SLA2: variants seen among roughly 807,000 people sequenced by gnomAD.
SLA2 encodes src-like-adapter 2.
In SLA2, 22 loss-of-function variants were observed where a neutral mutation model predicts 27.3. The observed-to-expected ratio is 0.81, with a 90% CI of 0.58 to 1.15. The LOEUF is 1.15. Ranked by LOEUF, SLA2 falls within the 50% of genes most tolerant of loss-of-function variation. The probability of loss-of-function intolerance (pLI) is 0.00; values close to 1 mark genes in which losing one functional copy is unlikely to be tolerated. For synonymous variants in SLA2, 131 were observed against 137.8 expected, an observed-to-expected ratio of 0.95 and a Z score of 0.34; for missense variants, 304 against 322.2, an observed-to-expected ratio of 0.94 and a Z score of 0.43.
chr20:36,638,962 T>A (rs1320805792), intron 2 of SLA2, among the ~76,000 whole-genome samples: 1 of 152,188 alleles, frequency 6.6e-6, no homozygotes, highest in Non-Finnish European at 1.5e-5. Flanking sequence ...TTCTCCTGCC[T>A]CAGCCTCCCA....
intron 1 of SLA2, among the ~76,000 whole-genome samples, chr20:36,644,871 T>G (rs1038118951): frequency 4.3e-4 from 9 of 20,934 alleles, no homozygotes; most frequent in South Asian, 2.9e-3. Flanking sequence ...ATATTGTGTT[T>G]TTTTTTTTTT....
At chr20:36,615,962 A>G (rs2039205338) in intron 5 of SLA2, among the ~76,000 whole-genome samples, 2 of 152,248 alleles carry the variant, frequency 1.3e-5, no homozygotes, top group South Asian at 4.1e-4. Context: ...GTAGTGCTAT[A>G]CAGCAGTAAA....
At chr20:36,624,990 A>G (rs1332010666) in intron 5 of SLA2, among the ~76,000 whole-genome samples, 1 of 151,906 alleles carries the variant, frequency 6.6e-6, no homozygotes, top group Non-Finnish European at 1.5e-5. Context: ...CCCCCTCTCA[A>G]CATGCATAGG....
At chr20:36,644,355 C>T (rs1978285992) in intron 1 of SLA2, among the ~76,000 whole-genome samples, 1 of 152,138 alleles carries the variant, frequency 6.6e-6, no homozygotes, top group African/African-American at 2.4e-5. Flanking sequence ...ATGCAAGCTT[C>T]CCCCGTCTCA....
chr20:36,613,780 A>C lies in SLA2; in HGVS notation c.*86T>G. ...TGTCCCACCCTCCCTCCCTGAGTGC[A>C]CAGCCTTGCCTCTGGGGTGCCCAGG... is the stretch of plus-strand genomic sequence containing the variant. On this transcript the variant is annotated 3_prime_UTR_variant, in exon 8 of 8. Coordinates refer to ENST00000262866, the MANE Select transcript of SLA2 (RefSeq NM_032214.4). The C allele has an allele frequency of 5.3e-5, 22 of 415,048 alleles. No homozygotes were observed. Among genetic ancestry groups the C allele is most frequent in the East Asian group, 1.4e-4 (2 of 14,446 alleles). The allele number at this position is 415,048 out of a possible 1,614,324, so 25.7% of individuals were successfully genotyped here.
At chr20:36,632,789 C>T (rs1470966770) in intron 4 of SLA2, 91 bp from the exon 5 acceptor site, 1 of 960,668 alleles carries the variant, frequency 1.0e-6, no homozygotes, top group Non-Finnish European at 1.6e-6. Context: ...GTGACCCTCA[C>T]AAGGCCCTCC....
At chr20:36,640,460 C>T (rs908530407) in intron 2 of SLA2, among the ~76,000 whole-genome samples, 3 of 151,104 alleles carry the variant, frequency 2.0e-5, no homozygotes, top group Non-Finnish European at 4.4e-5. Flanking sequence ...TCACTTACTA[C>T]GTGTGCTATT....
chr20:36,635,510 G>C (rs112527301), intron 2 of SLA2, among the ~76,000 whole-genome samples: 5,901 of 151,872 alleles, frequency 0.039, 170 homozygotes, highest in South Asian at 0.067. Flanking sequence ...GGGCTGAAGG[G>C]CCTGTGCTCC....
chr20:36,630,367 G>A (rs2147989572), intron 5 of SLA2, among the ~76,000 whole-genome samples: 1 of 152,336 alleles, frequency 6.6e-6, no homozygotes, highest in South Asian at 2.1e-4. Context: ...TCCTGGGAGG[G>A]AGACTGAGGC....
intron 2 of SLA2, among the ~76,000 whole-genome samples, chr20:36,636,392 C>T (rs1374587625): frequency 7.6e-6 from 1 of 130,916 alleles, no homozygotes; most frequent in Admixed American, 8.5e-5. Context: ...CTGCAGTCCG[C>T]AGTCCAGCCT....
At chr20:36,638,133 C>T (rs933554105) in intron 2 of SLA2, among the ~76,000 whole-genome samples, 4 of 151,742 alleles carry the variant, frequency 2.6e-5, no homozygotes, top group Admixed American at 2.0e-4. Flanking sequence ...CCTCATGATC[C>T]GCCCTCCTCA....
intron 1 of SLA2, among the ~76,000 whole-genome samples, chr20:36,645,366 C>CAA (rs796709033): frequency 2.1e-5 from 3 of 144,220 alleles, no homozygotes; most frequent in African/African-American, 7.6e-5. Context: ...GACCCCAACT[C>CAA]AAAAAAAAAA....
At chr20:36,634,704 A>T (rs1355845599) in intron 2 of SLA2, 115 bp from the exon 3 acceptor site, 1 of 573,638 alleles carries the variant, frequency 1.7e-6, no homozygotes, top group East Asian at 3.3e-5. Context: ...AAGCACCCTG[A>T]GGGAGTCCCA....
rs553148626 is a variant in SLA2, at chr20:36,643,959, C to T, written c.-44+1878G>A. Among the ~76,000 whole-genome samples, 660 of 151,896 alleles carry T rather than the reference C, an allele frequency of 4.3e-3. 2 individuals are homozygous for T. Among genetic ancestry groups the T allele is most frequent in the Middle Eastern group, 6.8e-3 (2 of 294 alleles). On this transcript the variant is annotated intron_variant, in intron 1 of 7. Transcript: ENST00000262866. ...AGAGCGAGACTCTGTACCCCCCTCC[C>T]GCCCCAAAAAACCTAATACCTGCTT...
intron 5 of SLA2, among the ~76,000 whole-genome samples, chr20:36,622,210 CAAAA>C (rs549536610): frequency 8.9e-5 from 9 of 100,970 alleles, no homozygotes; most frequent in African/African-American, 2.6e-4. Context: ...GACTTGATCT[CAAAA>C]AAAAAAAAAA....
chr20:36,640,197 A>C (rs369231600), intron 2 of SLA2, among the ~76,000 whole-genome samples: 5 of 151,890 alleles, frequency 3.3e-5, no homozygotes, highest in Admixed American at 6.6e-5. Flanking sequence ...AGTCCCAACT[A>C]CTCGGGAGGC....
chr20:36,621,389 G>T, intron 5 of SLA2: 1 of 586,392 alleles, frequency 1.7e-6, no homozygotes, highest in African/African-American at 1.9e-5. Flanking sequence ...GGATGTGGTG[G>T]TGTAAGTGGT....
Position 36,615,373 on chromosome 20 carries a change from G to A in SLA2, c.384C>T (p.Gly128=), listed in dbSNP as rs775221711. 1.1e-5 allele frequency: 18 copies of A among 1,613,672 alleles called. No individual in the cohort carries two copies. The Middle Eastern group carries it at 1.6e-3, about 141-fold the overall frequency. Residue 128 remains glycine, a splice_region_variant and synonymous_variant, in exon 6 of 8, where the codon GGC becomes GGT. Coordinates refer to ENST00000262866, the MANE Select transcript of SLA2 (RefSeq NM_032214.4). ...TGAGGCGGACTGACAGAGAGTAAGAGCCTGAGGAGAAAGGGGTCCAGGGGT... is the reference window on the plus strand; with the variant it reads ...TGAGGCGGACTGACAGAGAGTAAGAACCTGAGGAGAAAGGGGTCCAGGGGT... ...FLIRESQTRR[G]SYSLSVRLSR... is the part of the protein sequence containing the mutation.
At chr20:36,620,565 CTTTTTTT>C in intron 5 of SLA2, 2 of 107,252 alleles carry the variant, frequency 1.9e-5, no homozygotes, top group South Asian at 3.1e-4. Flanking sequence ...ACCACACTGG[CTTTTTTT>C]TTTTTTTTTT....
Sources: allele counts gnomAD v4.1 joint callset (sites outside exome capture counted in the v4.1 genomes callset), GRCh38; gene constraint gnomAD v4.1.1; transcripts MANE v1.5; gene names NCBI Gene and HGNC (gene_info 2026-07-23, HGNC 2026-07-21).